The following THSD7B variants were observed in gnomAD, a reference collection of about 807,000 sequenced individuals.
THSD7B encodes thrombospondin type 1 domain containing 7B, also known as thrombospondin type-1 domain-containing protein 7B.
In THSD7B, 138 loss-of-function variants were observed where a neutral mutation model predicts 213.6. That is an observed-to-expected ratio of 0.65 (90% confidence interval 0.56 to 0.74). THSD7B has a LOEUF of 0.74. Ranked by LOEUF, THSD7B falls within the 30% of genes least tolerant of loss-of-function variation. The pLI is 0.00. For missense variants in THSD7B, 1,931 were observed against 1,991.5 expected (o/e 0.97, Z 0.58); for synonymous variants, 742 against 687.0 (o/e 1.08, Z -1.25).
chr2:137,005,162 ATGT>A lies in THSD7B; in HGVS notation c.140-51254_140-51252del, dbSNP rs150411319. Among the ~76,000 whole-genome samples the A allele has an allele frequency of 9.1e-3, 1,388 of 152,302 alleles. 21 individuals carry two copies. Among genetic ancestry groups the A allele is most frequent in the African/African-American group, 0.031 (1,278 of 41,562 alleles). ...TTTGATATAAACCAGAAGAACTAAAATGTTGTCAGGCTTTTTCAATGAAAATGT... is the reference window on the plus strand; with the variant it reads ...TTTGATATAAACCAGAAGAACTAAAATGTCAGGCTTTTTCAATGAAAATGT... On this transcript the variant is annotated intron_variant, in intron 2 of 27. Coordinates refer to ENST00000409968, the MANE Select transcript of THSD7B (RefSeq NM_001316349.2).
intron 12 of THSD7B, among the ~76,000 whole-genome samples, chr2:137,334,305 T>C (rs1684588838): frequency 1.3e-5 from 2 of 152,166 alleles, no homozygotes; most frequent in Non-Finnish European, 2.9e-5. Context: ...CCACCATCAC[T>C]GTTCTTTTCC....
At chr2:137,532,528 A>G (rs146230515) in intron 15 of THSD7B, among the ~76,000 whole-genome samples, 1 of 151,964 alleles carries the variant, frequency 6.6e-6, no homozygotes, top group African/African-American at 2.4e-5. Flanking sequence ...AAAAATTAAC[A>G]TCTTTGAGAT....
At chr2:136,843,402 T>C (rs958277500) in intron 1 of THSD7B, among the ~76,000 whole-genome samples, 4 of 152,232 alleles carry the variant, frequency 2.6e-5, no homozygotes, top group Non-Finnish European at 4.4e-5. Context: ...TTCGTGAATG[T>C]CCATTGTTCT....
At chr2:137,272,370 A>G (rs1682765244) in intron 10 of THSD7B, among the ~76,000 whole-genome samples, 163 bp from the exon 11 acceptor site, 1 of 152,154 alleles carries the variant, frequency 6.6e-6, no homozygotes, top group African/African-American at 2.4e-5. Context: ...TAAAAGTAAG[A>G]TGGAGTGTTA....
At chr2:136,948,476 A>T (rs930497592) in intron 2 of THSD7B, among the ~76,000 whole-genome samples, 1 of 150,186 alleles carries the variant, frequency 6.7e-6, no homozygotes, top group Non-Finnish European at 1.5e-5. Flanking sequence ...ACACACACAC[A>T]CATGCACACA....
intron 7 of THSD7B, among the ~76,000 whole-genome samples, chr2:137,199,769 TTAAC>T (rs1680840406): frequency 6.6e-6 from 1 of 152,200 alleles, no homozygotes; most frequent in Admixed American, 6.5e-5. Flanking sequence ...TATGTTCTCC[TTAAC>T]TAAGAGAAAT....
At chr2:137,394,016 T>C (rs1223612837) in intron 12 of THSD7B, among the ~76,000 whole-genome samples, 1 of 133,996 alleles carries the variant, frequency 7.5e-6, no homozygotes, top group Non-Finnish European at 1.6e-5. Context: ...TTGTTTGTTT[T>C]TTTCTTGTAA....
At chr2:137,547,047 C>T (rs1449065876) in intron 15 of THSD7B, among the ~76,000 whole-genome samples, 2 of 151,990 alleles carry the variant, frequency 1.3e-5, no homozygotes, top group Non-Finnish European at 2.9e-5. Context: ...AACAAAATAG[C>T]TTTTATTCCA....
intron 12 of THSD7B, among the ~76,000 whole-genome samples, chr2:137,305,954 A>G (rs1334728359): frequency 6.6e-6 from 1 of 152,182 alleles, no homozygotes; most frequent in East Asian, 1.9e-4. Flanking sequence ...AATGGTAAGT[A>G]TCTGCTTAGC....
intron 20 of THSD7B, among the ~76,000 whole-genome samples, chr2:137,624,727 C>G (rs916412183): frequency 2.0e-5 from 3 of 152,176 alleles, no homozygotes; most frequent in Non-Finnish European, 4.4e-5. Context: ...TGAAAAAATG[C>G]TCATCATCAC....
chr2:137,463,578 A>C (rs1257630946), intron 15 of THSD7B, among the ~76,000 whole-genome samples: 1 of 152,028 alleles, frequency 6.6e-6, no homozygotes, highest in East Asian at 1.9e-4. Flanking sequence ...GGATGGCCAA[A>C]TAATAGCTAC....
chr2:136,931,069 A>T (rs1224457916), intron 2 of THSD7B, among the ~76,000 whole-genome samples: 1 of 152,128 alleles, frequency 6.6e-6, no homozygotes, highest in Non-Finnish European at 1.5e-5. Flanking sequence ...GGCCATAAAT[A>T]TTTAAGACTG....
intron 5 of THSD7B, among the ~76,000 whole-genome samples, chr2:137,134,230 C>T (rs77795741): frequency 0.02 from 3,005 of 152,268 alleles, 109 homozygotes; most frequent in African/African-American, 0.067. Context: ...GCAGCCCATG[C>T]TCTTACCCGC....
chr2:137,541,993 G>T (rs760602448), intron 15 of THSD7B, among the ~76,000 whole-genome samples: 1 of 151,390 alleles, frequency 6.6e-6, no homozygotes, highest in Non-Finnish European at 1.5e-5. Flanking sequence ...TTCACATCAC[G>T]GGAGTCCCGG....
chr2:136,879,624 G>A (rs1388103851), intron 1 of THSD7B, among the ~76,000 whole-genome samples: 6 of 151,982 alleles, frequency 3.9e-5, no homozygotes, highest in Admixed American at 2.6e-4. Context: ...CCTTGAAGAG[G>A]TCCTTCACAT....
At chr2:137,198,992 A>G (rs1440746307) in intron 7 of THSD7B, among the ~76,000 whole-genome samples, 1 of 152,200 alleles carries the variant, frequency 6.6e-6, no homozygotes, top group African/African-American at 2.4e-5. Context: ...GAAATTAACA[A>G]TCAGAGTAGA....
intron 2 of THSD7B, among the ~76,000 whole-genome samples, chr2:137,019,675 G>T (rs1207324591): frequency 1.3e-5 from 2 of 152,040 alleles, no homozygotes; most frequent in Admixed American, 1.3e-4. Context: ...ATAATTCTTT[G>T]TATCTATTTT....
chr2:137,272,592 G>C lies in THSD7B; in HGVS notation c.2326G>C (p.Gly776Arg). Residue 776 changes from glycine to arginine, a missense_variant, in exon 11 of 28, where the codon GGC becomes CGC. Physicochemically the swap from Gly to Arg is moderately radical, Grantham distance 125 (BLOSUM62 -2). Coordinates refer to ENST00000409968, the MANE Select transcript of THSD7B (RefSeq NM_001316349.2). Reference sequence around the variant, plus strand: ...CATCATCCAAGAAGCAGCCAATGGAGGCCAGGAATGCCCAGATACCTTATA... The same window carrying C: ...CATCATCCAAGAAGCAGCCAATGGACGCCAGGAATGCCCAGATACCTTATA... The part of the protein sequence containing the change: ...RIIIQEAANG[G>R]QECPDTLYEE... The C allele has an allele frequency of 6.2e-7, 1 of 1,612,194 alleles. No homozygotes were observed. The highest frequency in any genetic ancestry group is 8.5e-7 in the Non-Finnish European group (1 of 1,178,982).
chr2:137,515,285 C>T (rs1490968700), intron 15 of THSD7B, among the ~76,000 whole-genome samples: 3 of 152,176 alleles, frequency 2.0e-5, no homozygotes, highest in East Asian at 1.9e-4. Context: ...GCAACATCCC[C>T]TCCCGGTCCC....
Sources: allele counts gnomAD v4.1 joint callset (sites outside exome capture counted in the v4.1 genomes callset), GRCh38; gene constraint gnomAD v4.1.1; transcripts MANE v1.5; gene names NCBI Gene and HGNC (gene_info 2026-07-23, HGNC 2026-07-21).